Variants in TVP23A observed in about 807,000 individuals in gnomAD.
TVP23A encodes the protein trans-golgi network vesicle protein 23 homolog A.
A neutral mutation model predicts 31.7 loss-of-function variants in TVP23A; 21 were observed. That is an observed-to-expected ratio of 0.66 (90% confidence interval 0.47 to 0.95). The LOEUF (loss-of-function observed/expected upper bound fraction) is 0.95. TVP23A is among the 40% of genes least tolerant of loss of function. TVP23A has a pLI of 0.00. For missense variants in TVP23A, 279 were observed against 255.6 expected (o/e 1.09, Z -0.62); for synonymous variants, 104 against 96.0 (o/e 1.08, Z -0.49).
At chr16:10,763,495 CCAA>C (rs2030342476), downstream of TVP23A, 1 of 152,236 alleles carries the variant, frequency 6.6e-6, no homozygotes, top group South Asian at 2.1e-4. Flanking sequence ...TGTGATTTCC[CCAA>C]CAACATGCAG....
chr16:10,818,588 C>A lies in TVP23A; in HGVS notation c.-95G>T, dbSNP rs2034549780. The A allele has an allele frequency of 4.1e-6, 6 of 1,474,986 alleles. No individual in the cohort carries two copies. In the South Asian group the frequency reaches 5.0e-5, roughly 12 times the overall value. 91.4% of individuals were successfully genotyped at this position (1,474,986 alleles called of 1,614,324 possible). Reference sequence around the variant, plus strand: ...CGGACGCCGGGCGGGCGGATGTAGGCAGCAGACGGTGGACGCTGAGGGTCG... The same window carrying A: ...CGGACGCCGGGCGGGCGGATGTAGGAAGCAGACGGTGGACGCTGAGGGTCG... On this transcript the variant is annotated 5_prime_UTR_variant, in exon 1 of 8. Transcript: ENST00000299866. The surrounding 1 kb of genome is among the most constrained non-coding windows in gnomAD (Gnocchi z 4.7).
At chr16:10,761,891 C>T (rs1182575068), downstream of TVP23A, 21 of 1,543,024 alleles carry the variant, frequency 1.4e-5, no homozygotes, top group Non-Finnish European at 1.8e-5. Flanking sequence ...CGGCACCTCA[C>T]TCCTCGGTCA....
intron 2 of TVP23A, among the ~76,000 whole-genome samples, chr16:10,817,687 C>T (rs2034503448): frequency 6.6e-6 from 1 of 152,200 alleles, no homozygotes; most frequent in Non-Finnish European, 1.5e-5. Flanking sequence ...GGCCTTTGCG[C>T]TTGCTGTTCC....
At chr16:10,787,212 G>T (rs917633692) in intron 2 of TVP23A, among the ~76,000 whole-genome samples, 1 of 152,170 alleles carries the variant, frequency 6.6e-6, no homozygotes, top group Non-Finnish European at 1.5e-5. Flanking sequence ...TTTTGATATA[G>T]GAGTTAAGAA....
At position 10,770,322 on chromosome 16, in the gene TVP23A, C is replaced by G; in HGVS notation, c.592G>C (p.Gly198Arg). The part of the protein sequence containing the change: ...SQTVFQTACP[G>R]DFQKPGLEGL... ...TCGAGGCCAGGCTTCTGAAAGTCAC[C>G]TGGGCAGGCCTGCAAGGGGAAAAGT... The change falls in exon 7 of 8, where the codon GGT (glycine) becomes CGT (arginine). Residue 198 changes from glycine to arginine, a missense_variant. Coordinates refer to ENST00000299866, the MANE Select transcript of TVP23A (RefSeq NM_001079512.4). 6.4e-7 allele frequency: 1 copy of G among 1,551,552 alleles called. No homozygotes were observed. Among genetic ancestry groups the G allele is most frequent in the South Asian group, 1.2e-5 (1 of 84,000 alleles).
At chr16:10,772,084 C>A (rs937382775) in intron 5 of TVP23A, among the ~76,000 whole-genome samples, 3 of 152,178 alleles carry the variant, frequency 2.0e-5, no homozygotes, top group African/African-American at 7.2e-5. Flanking sequence ...TACAGAAATG[C>A]ACCTCTCAAG....
chr16:10,776,051 A>ATT (rs113505155), intron 2 of TVP23A, among the ~76,000 whole-genome samples: 1 of 150,558 alleles, frequency 6.6e-6, no homozygotes, highest in Non-Finnish European at 1.5e-5. Flanking sequence ...GCCTGGCCTT[A>ATT]TTTTTTTTAT....
intron 3 of TVP23A, 30 bp downstream of exon 3, chr16:10,774,922 A>G (rs771874013): frequency 8.8e-6 from 14 of 1,599,936 alleles, no homozygotes; most frequent in Non-Finnish European, 1.2e-5. Flanking sequence ...CGTGTTTCGG[A>G]AGTGATGACA....
chr16:10,776,719 T>C (rs528213993), intron 2 of TVP23A, among the ~76,000 whole-genome samples: 1 of 152,326 alleles, frequency 6.6e-6, no homozygotes, highest in Admixed American at 6.5e-5. Flanking sequence ...ATGGCTAGTC[T>C]ATAGATAGAG....
rs1304506955 is a variant in TVP23A at position 10,777,201 on chromosome 16, T to C, written c.90-2105A>G. Among the ~76,000 whole-genome samples the C allele has an allele frequency of 6.6e-6, 1 of 152,102 alleles. No individual in the cohort carries two copies. The highest frequency in any genetic ancestry group is 1.5e-5 in the Non-Finnish European group (1 of 68,014). On this transcript the variant is annotated intron_variant, in intron 2 of 7. Coordinates refer to ENST00000299866, the MANE Select transcript of TVP23A (RefSeq NM_001079512.4). This position sits in a 1 kb window ranked among gnomAD's most constrained non-coding sequence, Gnocchi z 4.5. ...GAAAAGGGAGGGATGAAAGGGACTCTTCCCAGCACCAGGCAGCTGTGCAAA... is the reference window on the plus strand; with the variant it reads ...GAAAAGGGAGGGATGAAAGGGACTCCTCCCAGCACCAGGCAGCTGTGCAAA...
chr16:10,758,173 C>A, downstream of TVP23A: 1 of 935,348 alleles, frequency 1.1e-6, no homozygotes, highest in Non-Finnish European at 1.6e-6. Context: ...CTGCAGAAAC[C>A]TCGTGTTAAA....
chr16:10,778,837 G>T (rs1054379036), intron 2 of TVP23A, among the ~76,000 whole-genome samples: 2 of 152,038 alleles, frequency 1.3e-5, no homozygotes, highest in African/African-American at 4.8e-5. Flanking sequence ...CTGATGGCAG[G>T]CGCCTGTAAT....
chr16:10,794,319 C>T (rs2033268074), intron 2 of TVP23A, among the ~76,000 whole-genome samples: 1 of 152,186 alleles, frequency 6.6e-6, no homozygotes. Context: ...CAATCTCTGC[C>T]TCTCCCTGTG....
chr16:10,769,820 A>G (rs185998932), intron 7 of TVP23A, among the ~76,000 whole-genome samples: 103 of 152,320 alleles, frequency 6.8e-4, no homozygotes, highest in African/African-American at 2.4e-3. Context: ...TGTAAACTCT[A>G]CGATCATCCT....
At chr16:10,769,168 G>C in intron 7 of TVP23A, 67 bp from the exon 8 acceptor site, 1 of 1,512,156 alleles carries the variant, frequency 6.6e-7, no homozygotes, top group Non-Finnish European at 9.2e-7. Context: ...AGCACATCCA[G>C]CCAGACCCGA....
intron 7 of TVP23A, among the ~76,000 whole-genome samples, chr16:10,769,852 C>A (rs2031421872): frequency 6.6e-6 from 1 of 152,322 alleles, no homozygotes; most frequent in Non-Finnish European, 1.5e-5. Context: ...GGTGCTTGCT[C>A]TGTTTGAGAC....
chr16:10,757,659 G>C (rs1900648152), downstream of TVP23A, among the ~76,000 whole-genome samples: 1 of 152,154 alleles, frequency 6.6e-6, no homozygotes, highest in South Asian at 2.1e-4. This position sits in a 1 kb window ranked among gnomAD's most constrained non-coding sequence, Gnocchi z 4.1. Context: ...GGCACAAAAA[G>C]ATCAGATCAT....
In TVP23A at chr16:10,799,127, G is replaced by C. The variant is rs139145274; in HGVS notation, c.89+18976C>G. Among the ~76,000 whole-genome samples, 67 of 152,356 alleles carry C rather than the reference G, an allele frequency of 4.4e-4. No homozygotes were observed. In the East Asian group the frequency reaches 0.013, roughly 29 times the overall value. ...CTTGGACACAGCTCCTCCTGCCCCA[G>C]TCAAGCCTTCTGATGACTGCAGCTC... On this transcript the variant is annotated intron_variant, in intron 2 of 7. Transcript: ENST00000299866.
intron 2 of TVP23A, among the ~76,000 whole-genome samples, chr16:10,816,228 C>CAAAAAAAAAAAAAAAAAAAA (rs760801777): frequency 2.7e-5 from 2 of 73,828 alleles, no homozygotes; most frequent in African/African-American, 3.8e-5. Context: ...AACCCTATCT[C>CAAAAAAAAAAAAAAAAAAAA]AAAAAAAAAA....
Sources: allele counts gnomAD v4.1 joint callset (sites outside exome capture counted in the v4.1 genomes callset), GRCh38; gene constraint gnomAD v4.1.1; non-coding constraint Gnocchi (gnomAD v3.1); transcripts MANE v1.5; gene names NCBI Gene and HGNC (gene_info 2026-07-23, HGNC 2026-07-21).